Variants in GRIN2A observed in about 807,000 individuals in gnomAD.
GRIN2A encodes the protein glutamate ionotropic receptor NMDA type subunit 2A.
In GRIN2A, 22 loss-of-function variants were observed where a neutral mutation model predicts 113.4. That is an observed-to-expected ratio of 0.19 (90% CI 0.14 to 0.28). The LOEUF (loss-of-function observed/expected upper bound fraction) is 0.28. Among genes scored for constraint, GRIN2A ranks in the 10% least tolerant of loss-of-function variants. The pLI is 1.00. For synonymous variants in GRIN2A, 827 were observed against 738.4 expected (o/e 1.12, Z -1.94); for missense variants, 1,502 against 1,887.0 (o/e 0.80, Z 3.78).
At chr16:10,039,413 G>A (rs538133195) in intron 2 of GRIN2A, among the ~76,000 whole-genome samples, 321 of 152,290 alleles carry the variant, frequency 2.1e-3, no homozygotes, top group African/African-American at 7.5e-3. Context: ...GTTTAAAAGC[G>A]CATTCTCTGG....
chr16:9,793,048 C>T (rs752985185), intron 11 of GRIN2A, among the ~76,000 whole-genome samples: 37 of 152,220 alleles, frequency 2.4e-4, no homozygotes, highest in Non-Finnish European at 4.7e-4. Context: ...GGAAGATCCT[C>T]ACGTGATTCT....
intron 2 of GRIN2A, among the ~76,000 whole-genome samples, chr16:10,042,123 T>A (rs2141961764): frequency 6.6e-6 from 1 of 152,278 alleles, no homozygotes; most frequent in South Asian, 2.1e-4. Context: ...GACCACCAGA[T>A]AACAATGGAA....
chr16:9,868,044 T>A (rs2043191949), intron 4 of GRIN2A, among the ~76,000 whole-genome samples: 1 of 152,170 alleles, frequency 6.6e-6, no homozygotes, highest in South Asian at 2.1e-4. Flanking sequence ...GAAATATCCA[T>A]TAATTCATCT....
At chr16:9,825,023 G>C (rs2042359793) in intron 9 of GRIN2A, among the ~76,000 whole-genome samples, 1 of 152,080 alleles carries the variant, frequency 6.6e-6, no homozygotes, top group African/African-American at 2.4e-5. Context: ...AGCAAAGGAA[G>C]GGGTAGGACA....
chr16:9,862,695 T>C (rs1486789073), intron 4 of GRIN2A, among the ~76,000 whole-genome samples: 2 of 152,210 alleles, frequency 1.3e-5, no homozygotes, highest in African/African-American at 2.4e-5. Context: ...TTAAAAGTGA[T>C]GGGTTCTTGT....
At chr16:10,009,518 G>A (rs769469181) in intron 2 of GRIN2A, among the ~76,000 whole-genome samples, 5 of 152,066 alleles carry the variant, frequency 3.3e-5, no homozygotes, top group African/African-American at 4.8e-5. Context: ...AATTCCCAAG[G>A]ACGGCACAAC....
chr16:9,844,769 G>T (rs2042742691), intron 5 of GRIN2A, among the ~76,000 whole-genome samples: 1 of 152,108 alleles, frequency 6.6e-6, no homozygotes, highest in Non-Finnish European at 1.5e-5. Context: ...TCCCACCAAT[G>T]ATTTGACAGT....
chr16:10,174,546 T>A (rs1466005206), intron 2 of GRIN2A, among the ~76,000 whole-genome samples: 4 of 152,194 alleles, frequency 2.6e-5, no homozygotes, highest in Non-Finnish European at 5.9e-5. Context: ...TTATAATACA[T>A]ATTTTTTAAT....
chr16:10,056,019 A>G (rs570449378), intron 2 of GRIN2A, among the ~76,000 whole-genome samples: 1 of 151,878 alleles, frequency 6.6e-6, no homozygotes, highest in African/African-American at 2.4e-5. Context: ...GAATTCACAC[A>G]TACACTCCCT....
At chr16:10,066,501 G>A (rs138081641) in intron 2 of GRIN2A, among the ~76,000 whole-genome samples, 44 of 152,272 alleles carry the variant, frequency 2.9e-4, no homozygotes, top group African/African-American at 1.0e-3. Flanking sequence ...GCAAGAGGGC[G>A]TCAAAGTCAA....
intron 3 of GRIN2A, among the ~76,000 whole-genome samples, chr16:9,908,284 C>T (rs911855294): frequency 6.6e-6 from 1 of 152,134 alleles, no homozygotes; most frequent in African/African-American, 2.4e-5. Context: ...ATTGCAAGGT[C>T]ACCCTCTTGG....
intron 4 of GRIN2A, among the ~76,000 whole-genome samples, chr16:9,875,562 G>C (rs1259353122): frequency 1.3e-5 from 2 of 152,128 alleles, no homozygotes; most frequent in African/African-American, 4.8e-5. Context: ...TGTTATTCCT[G>C]TCTGTTCCAT....
intron 2 of GRIN2A, among the ~76,000 whole-genome samples, chr16:10,099,181 A>C (rs1448071397): frequency 6.6e-6 from 1 of 152,188 alleles, no homozygotes; most frequent in Non-Finnish European, 1.5e-5. Flanking sequence ...AAAGGGCATC[A>C]TTATGAGTAA....
chr16:9,978,204 T>C (rs1233071476), intron 2 of GRIN2A, among the ~76,000 whole-genome samples: 2 of 152,190 alleles, frequency 1.3e-5, no homozygotes, highest in African/African-American at 4.8e-5. Context: ...GTTAGAGTTG[T>C]GTGTGATTTG....
intron 2 of GRIN2A, among the ~76,000 whole-genome samples, chr16:10,071,924 A>G (rs1400482122): frequency 1.3e-5 from 2 of 152,230 alleles, no homozygotes; most frequent in Non-Finnish European, 2.9e-5. Context: ...AAGGAAATGG[A>G]GGCACAGAAA....
intron 2 of GRIN2A, among the ~76,000 whole-genome samples, chr16:10,110,609 G>C (rs574657396): frequency 6.6e-6 from 1 of 152,312 alleles, no homozygotes; most frequent in African/African-American, 2.4e-5. Flanking sequence ...ATATTTCAAA[G>C]ATAAAACCAA....
intron 4 of GRIN2A, among the ~76,000 whole-genome samples, chr16:9,854,069 G>A (rs1395999212): frequency 6.6e-6 from 1 of 152,110 alleles, no homozygotes; most frequent in Non-Finnish European, 1.5e-5. Context: ...TATGTCCACA[G>A]CTTCTAACTC....
intron 2 of GRIN2A, among the ~76,000 whole-genome samples, chr16:10,174,670 A>G (rs2050108849): frequency 6.6e-6 from 1 of 152,228 alleles, no homozygotes; most frequent in Non-Finnish European, 1.5e-5. Flanking sequence ...TCTTGGAAAT[A>G]AAGTATATCC....
At chr16:9,949,958 A>G (rs2045138253) in intron 2 of GRIN2A, among the ~76,000 whole-genome samples, 1 of 152,226 alleles carries the variant, frequency 6.6e-6, no homozygotes, top group African/African-American at 2.4e-5. Context: ...CAGAGGTAGA[A>G]CTGAGTGTCT....
Sources: gnomAD v4.1 joint callset for allele counts (sites outside exome capture counted in the v4.1 genomes callset) on GRCh38, gnomAD v4.1.1 for gene constraint, MANE v1.5 for transcripts, NCBI Gene and HGNC (gene_info 2026-07-23, HGNC 2026-07-21) for gene names.